AOPEP: variants seen among roughly 807,000 people sequenced by gnomAD.
AOPEP encodes aminopeptidase O.
AOPEP carries 77 observed loss-of-function variants against 98.1 expected under a neutral mutation model. That is an observed-to-expected ratio of 0.78 (90% CI 0.65 to 0.95). The LOEUF is 0.95. Ranked by LOEUF, AOPEP falls within the 40% of genes least tolerant of loss-of-function variation. AOPEP has a pLI of 0.00. For missense variants in AOPEP, 1,024 were observed against 1,024.7 expected (o/e 1.00, Z 0.01); for synonymous variants, 346 against 365.3 (o/e 0.95, Z 0.60).
At chr9:95,049,194 C>CTG (rs1418282966) in intron 13 of AOPEP, 1 of 152,206 alleles carries the variant, frequency 6.6e-6, no homozygotes, top group Non-Finnish European at 1.5e-5. Context: ...TTTTGAGGAT[C>CTG]TGTGCTCACT....
In AOPEP at chr9:94,856,169, C is replaced by A. The variant is rs571323822; in HGVS notation, c.1364+55167C>A. ...TTGACTCAGGCCACGTGTTCATAGA[C>A]CAGCATGCACACGTCCACACCTGCT... On this transcript the variant is annotated intron_variant, in intron 5 of 16. Coordinates refer to ENST00000375315, the MANE Select transcript of AOPEP (RefSeq NM_001193329.3). Among the ~76,000 whole-genome samples, 3 of 152,272 alleles carry A rather than the reference C, an allele frequency of 2.0e-5. No homozygotes were observed. In the South Asian group the frequency reaches 6.2e-4, roughly 32 times the overall value.
the AOPEP span, chr9:95,101,639 A>C: frequency 6.2e-7 from 1 of 1,601,914 alleles, no homozygotes; most frequent in Non-Finnish European, 8.5e-7. Flanking sequence ...GCCACAGGTC[A>C]TCACCTGTCC....
chr9:95,056,215 A>G (rs778054876), intron 13 of AOPEP: 3 of 152,218 alleles, frequency 2.0e-5, no homozygotes, highest in Admixed American at 6.5e-5. Flanking sequence ...GCCACTGTCA[A>G]TCCGTGGCTG....
At chr9:95,013,819 T>C (rs112362998) in intron 13 of AOPEP, among the ~76,000 whole-genome samples, 56 of 152,350 alleles carry the variant, frequency 3.7e-4, no homozygotes, top group Non-Finnish European at 5.3e-4. Context: ...ATTGTCATCC[T>C]ACATAAAGTC....
At chr9:95,045,097 C>T (rs2065720112) in intron 13 of AOPEP, among the ~76,000 whole-genome samples, 1 of 152,236 alleles carries the variant, frequency 6.6e-6, no homozygotes, top group Non-Finnish European at 1.5e-5. Context: ...GGCGTCACAG[C>T]GCTTGTGCCC....
intron 5 of AOPEP, among the ~76,000 whole-genome samples, chr9:94,892,610 A>G (rs568472549): frequency 6.6e-6 from 1 of 152,364 alleles, no homozygotes; most frequent in South Asian, 2.1e-4. Flanking sequence ...GAGGGTGAAG[A>G]GAAAAGAAAC....
At chr9:94,923,541 G>A (rs757478544) in intron 5 of AOPEP, among the ~76,000 whole-genome samples, 2 of 152,226 alleles carry the variant, frequency 1.3e-5, no homozygotes, top group South Asian at 4.2e-4. Flanking sequence ...GGCTTTTTCT[G>A]TCCTTCTGCA....
intron 5 of AOPEP, among the ~76,000 whole-genome samples, chr9:94,921,988 C>G (rs2053677255): frequency 6.6e-6 from 1 of 152,106 alleles, no homozygotes; most frequent in South Asian, 2.1e-4. Context: ...GGTCCTGTCC[C>G]AAGCCCAACA....
At chr9:95,089,485 G>C (rs1050671366), downstream of AOPEP, among the ~76,000 whole-genome samples, 4 of 152,238 alleles carry the variant, frequency 2.6e-5, no homozygotes, top group African/African-American at 9.6e-5. Context: ...CCAAGTGGCA[G>C]GGTTTGAACG....
intron 13 of AOPEP, among the ~76,000 whole-genome samples, chr9:95,036,787 G>C (rs2064875088): frequency 6.6e-6 from 1 of 150,702 alleles, no homozygotes; most frequent in South Asian, 2.1e-4. Context: ...GACAGCTGCT[G>C]CCTGGGCACC....
At chr9:94,895,906 T>C (rs887828493) in intron 5 of AOPEP, among the ~76,000 whole-genome samples, 4 of 152,210 alleles carry the variant, frequency 2.6e-5, no homozygotes, top group Admixed American at 1.3e-4. Context: ...GTCATTTATG[T>C]ATTGTCTGTG....
chr9:94,781,787 C>T (rs183273529), intron 3 of AOPEP, among the ~76,000 whole-genome samples: 324 of 151,174 alleles, frequency 2.1e-3, no homozygotes, highest in Non-Finnish European at 3.5e-3. Context: ...GTCTCTATCT[C>T]GTGATCTTGT....
intron 13 of AOPEP, 35 bp from the exon 14 acceptor site, chr9:95,060,659 T>C (rs1888944): frequency 0.95 from 1,310,469 of 1,372,554 alleles, 627,774 homozygotes; most frequent in Middle Eastern, 0.97. Context: ...ATCAACTGAA[T>C]GGCATTTTCA....
chr9:95,068,947 G>A (rs763312140), intron 14 of AOPEP, among the ~76,000 whole-genome samples: 11 of 152,046 alleles, frequency 7.2e-5, no homozygotes, highest in Non-Finnish European at 1.0e-4. Flanking sequence ...CTCAGTGTGC[G>A]TGGCCCTTCT....
chr9:94,929,331 A>G lies in AOPEP; in HGVS notation c.1661+800A>G, dbSNP rs538040338. On this transcript the variant is annotated intron_variant, in intron 7 of 16. Coordinates refer to ENST00000375315, the MANE Select transcript of AOPEP (RefSeq NM_001193329.3). Reference sequence around the variant, plus strand: ...TGAAGGCCCATCTACTTTCCCAGGCAGAGGCCTGCCTTGGATGGTTCTGCT... The same window carrying G: ...TGAAGGCCCATCTACTTTCCCAGGCGGAGGCCTGCCTTGGATGGTTCTGCT... Among the ~76,000 whole-genome samples, 164 of 152,356 alleles carry G rather than the reference A, an allele frequency of 1.1e-3. 1 individual carries two copies. Among genetic ancestry groups the G allele is most frequent in the African/African-American group, 3.9e-3 (162 of 41,594 alleles).
chr9:94,882,087 A>G (rs1030457340), intron 5 of AOPEP, among the ~76,000 whole-genome samples: 18 of 152,218 alleles, frequency 1.2e-4, no homozygotes, highest in African/African-American at 3.9e-4. Flanking sequence ...GCTTTAGAAC[A>G]TGGAGTGAAG....
chr9:94,952,833 T>C (rs967810627), intron 7 of AOPEP, among the ~76,000 whole-genome samples: 1 of 152,224 alleles, frequency 6.6e-6, no homozygotes, highest in Non-Finnish European at 1.5e-5. Context: ...TTGAATGCTG[T>C]CAGCAGGAAG....
At chr9:95,077,886 C>T (rs1420934343) in intron 14 of AOPEP, among the ~76,000 whole-genome samples, 3 of 152,128 alleles carry the variant, frequency 2.0e-5, no homozygotes, top group Admixed American at 6.6e-5. Context: ...CTCAAAGGAA[C>T]GAAGAAAAGT....
At chr9:94,989,958 T>A (rs2060789923) in intron 11 of AOPEP, among the ~76,000 whole-genome samples, 1 of 152,170 alleles carries the variant, frequency 6.6e-6, no homozygotes, top group African/African-American at 2.4e-5. Context: ...GTTCAAGCAG[T>A]TTGCCAAACA....
Sources: allele counts gnomAD v4.1 joint callset (sites outside exome capture counted in the v4.1 genomes callset), GRCh38; gene constraint gnomAD v4.1.1; transcripts MANE v1.5; gene names NCBI Gene and HGNC (gene_info 2026-07-23, HGNC 2026-07-21).